KCNT2: variants seen among roughly 807,000 people sequenced by gnomAD.
KCNT2 encodes potassium channel subfamily T member 2.
KCNT2 carries 67 observed loss-of-function variants against 153.8 expected under a neutral mutation model. The observed-to-expected ratio is 0.44, with a 90% CI of 0.36 to 0.53. The LOEUF (loss-of-function observed/expected upper bound fraction) is 0.53. Among genes scored for constraint, KCNT2 ranks in the 20% least tolerant of loss-of-function variants. The probability of loss-of-function intolerance (pLI) is 0.00; values close to 1 mark genes in which losing one functional copy is unlikely to be tolerated. For missense variants in KCNT2, 975 were observed against 1,354.8 expected (o/e 0.72, Z 4.40); for synonymous variants, 500 against 458.8 (o/e 1.09, Z -1.15).
At chr1:196,577,750 C>T (rs928687242) in intron 1 of KCNT2, among the ~76,000 whole-genome samples, 2 of 152,084 alleles carry the variant, frequency 1.3e-5, no homozygotes, top group African/African-American at 4.8e-5. Flanking sequence ...CTGAGCATTG[C>T]TCTGGTACTG....
chr1:196,605,027 A>G (rs13376190), intron 1 of KCNT2, among the ~76,000 whole-genome samples: 3,157 of 152,314 alleles, frequency 0.021, 117 homozygotes, highest in African/African-American at 0.072. Flanking sequence ...AACAACACCC[A>G]TTTGAGCATC....
At chr1:196,329,748 T>C (rs1023623384) in intron 18 of KCNT2, among the ~76,000 whole-genome samples, 2 of 149,240 alleles carry the variant, frequency 1.3e-5, no homozygotes, top group African/African-American at 4.9e-5. Flanking sequence ...CTTCATAATA[T>C]TAAAATAATA....
chr1:196,308,569 T>C (rs1661857425), intron 21 of KCNT2, among the ~76,000 whole-genome samples: 2 of 152,044 alleles, frequency 1.3e-5, no homozygotes, highest in South Asian at 4.1e-4. Flanking sequence ...CTAACTTGTG[T>C]TAGAAATTGA....
intron 1 of KCNT2, among the ~76,000 whole-genome samples, chr1:196,530,523 A>G (rs571374302): frequency 1.3e-5 from 2 of 152,148 alleles, no homozygotes; most frequent in East Asian, 1.9e-4. Flanking sequence ...TAGGTTACCA[A>G]AAACCATTGT....
At chr1:196,498,703 T>G (rs1680444895) in intron 1 of KCNT2, among the ~76,000 whole-genome samples, 1 of 152,348 alleles carries the variant, frequency 6.6e-6, no homozygotes, top group East Asian at 1.9e-4. Flanking sequence ...GCTTCTAGAT[T>G]GTGGCATCCT....
chr1:196,405,670 A>T (rs374209595), intron 12 of KCNT2, among the ~76,000 whole-genome samples: 3 of 151,678 alleles, frequency 2.0e-5, no homozygotes, highest in East Asian at 3.9e-4. Flanking sequence ...CATTGGTTTG[A>T]TCAAAGGCAT....
At chr1:196,492,381 A>G in intron 1 of KCNT2, 40 bp from the exon 2 acceptor site, 1 of 1,255,158 alleles carries the variant, frequency 8.0e-7, no homozygotes, top group Non-Finnish European at 1.0e-6. Flanking sequence ...GTATGCAAGC[A>G]ACCATATCTT....
chr1:196,545,494 A>C (rs545782553), intron 1 of KCNT2, among the ~76,000 whole-genome samples: 1 of 152,034 alleles, frequency 6.6e-6, no homozygotes, highest in South Asian at 2.1e-4. Context: ...TCCAAATAGG[A>C]ACCTGCAAGC....
intron 21 of KCNT2, 45 bp from the exon 22 acceptor site, chr1:196,305,390 G>A (rs770084074): frequency 1.9e-6 from 2 of 1,036,626 alleles, no homozygotes; most frequent in African/African-American, 3.2e-5. Flanking sequence ...AATCCAATAT[G>A]GTATTTTTTA....
chr1:196,373,255 GA>G lies in KCNT2; in HGVS notation c.1295-8del. The G allele has an allele frequency of 1.7e-6, 2 of 1,194,000 alleles. No individual in the cohort carries two copies. The highest frequency in any genetic ancestry group is 2.5e-6 in the Non-Finnish European group (2 of 805,228). The allele number at this position is 1,194,000 out of a possible 1,614,324, so 74.0% of individuals were successfully genotyped here. A position where few individuals can be genotyped will look rare whatever the true frequency, so the allele number is the denominator to read the frequency against. ...TCTTCACAAACAACATGATCTGTTT[GA>G]AATAAAATAGGTAAATTAGAATAAT... On this transcript the variant is annotated splice_region_variant and splice_polypyrimidine_tract_variant and intron_variant, in intron 13 of 27. Transcript: ENST00000294725.
intron 16 of KCNT2, among the ~76,000 whole-genome samples, chr1:196,339,095 G>A (rs550819963): frequency 3.4e-4 from 52 of 151,936 alleles, no homozygotes; most frequent in African/African-American, 1.1e-3. Context: ...TAGACAGTTC[G>A]CGTTGCTGTA....
At chr1:196,233,042 C>T (rs1654096372) in intron 27 of KCNT2, among the ~76,000 whole-genome samples, 1 of 151,074 alleles carries the variant, frequency 6.6e-6, no homozygotes, top group African/African-American at 2.4e-5. Context: ...AGAAAAAAGA[C>T]ATGTATAAAT....
At chr1:196,360,522 T>TC (rs1169671286) in intron 14 of KCNT2, among the ~76,000 whole-genome samples, 6 of 152,158 alleles carry the variant, frequency 3.9e-5, no homozygotes, top group African/African-American at 1.4e-4. Context: ...TGAAGCCCTA[T>TC]CCCCCACCCA....
intron 8 of KCNT2, among the ~76,000 whole-genome samples, chr1:196,432,325 A>T (rs576595945): frequency 1.3e-5 from 2 of 152,134 alleles, no homozygotes; most frequent in Admixed American, 1.3e-4. Flanking sequence ...AGAGTCCCCA[A>T]CTAGAGCAAT....
intron 23 of KCNT2, among the ~76,000 whole-genome samples, chr1:196,284,248 A>AAAAAAAAAAAAAAAAAATATATATATAT: frequency 1.0e-4 from 1 of 10,042 alleles, no homozygotes; most frequent in African/African-American, 1.4e-4. Flanking sequence ...AAAAAAAAAA[A>AAAAAAAAAAAAAAAAAATATATATATAT]ATATATATAT....
chr1:196,500,567 A>G (rs920292981), intron 1 of KCNT2, among the ~76,000 whole-genome samples: 2 of 152,206 alleles, frequency 1.3e-5, no homozygotes, highest in Non-Finnish European at 2.9e-5. Flanking sequence ...ATAGTGGGAC[A>G]TGTTTGTTAA....
At chr1:196,513,123 T>C (rs1453628508) in intron 1 of KCNT2, among the ~76,000 whole-genome samples, 3 of 152,198 alleles carry the variant, frequency 2.0e-5, no homozygotes, top group Non-Finnish European at 2.9e-5. Context: ...TTAGAATTAG[T>C]TTTAAGTCAC....
At chr1:196,257,476 G>A (rs777997803) in intron 26 of KCNT2, 54 of 977,724 alleles carry the variant, frequency 5.5e-5, no homozygotes, top group Non-Finnish European at 6.2e-5. Context: ...ATTTATATAC[G>A]TAAAATAAAA....
intron 12 of KCNT2, among the ~76,000 whole-genome samples, chr1:196,404,615 A>G (rs1671679237): frequency 6.6e-6 from 1 of 151,462 alleles, no homozygotes; most frequent in Non-Finnish European, 1.5e-5. Context: ...AAAGTCACTT[A>G]TCTAGGAAGC....
Sources: allele counts gnomAD v4.1 joint callset (sites outside exome capture counted in the v4.1 genomes callset), GRCh38; gene constraint gnomAD v4.1.1; transcripts MANE v1.5; gene names NCBI Gene and HGNC (gene_info 2026-07-23, HGNC 2026-07-21).